DNAJC1: variants seen among roughly 807,000 people sequenced by gnomAD.
DNAJC1 encodes DnaJ heat shock protein family (Hsp40) member C1.
Under a neutral mutation model 76.6 loss-of-function variants are expected in DNAJC1, and 58 were observed. The observed-to-expected ratio is 0.76, with a 90% CI of 0.61 to 0.94. The LOEUF is 0.94. Among genes scored for constraint, DNAJC1 ranks in the 40% least tolerant of loss-of-function variants. The pLI, the probability that DNAJC1 is intolerant of heterozygous loss-of-function variation, is 0.00. For synonymous variants in DNAJC1, 258 were observed against 267.9 expected (o/e 0.96, Z 0.36); for missense variants, 689 against 677.3 (o/e 1.02, Z -0.19).
intron 8 of DNAJC1, among the ~76,000 whole-genome samples, chr10:21,814,051 T>C (rs1200242316): frequency 6.6e-6 from 1 of 152,162 alleles, no homozygotes; most frequent in African/African-American, 2.4e-5. Context: ...TTTGACAGTT[T>C]TGGTGATGAG....
intron 10 of DNAJC1, among the ~76,000 whole-genome samples, chr10:21,762,836 A>G (rs533444662): frequency 2.6e-5 from 4 of 152,368 alleles, no homozygotes; most frequent in Non-Finnish European, 5.9e-5. Context: ...TCTATTTTCA[A>G]CATTTTTAAA....
At chr10:21,971,894 T>C (rs1405367414) in intron 1 of DNAJC1, among the ~76,000 whole-genome samples, 1 of 151,922 alleles carries the variant, frequency 6.6e-6, no homozygotes, top group Non-Finnish European at 1.5e-5. Context: ...TGTAAACAGA[T>C]TTCAAATATG....
At chr10:21,835,652 C>T (rs1236335680) in intron 8 of DNAJC1, among the ~76,000 whole-genome samples, 1 of 152,220 alleles carries the variant, frequency 6.6e-6, no homozygotes, top group Non-Finnish European at 1.5e-5. Flanking sequence ...GAGCTGAAAA[C>T]CAACACACGA....
intron 8 of DNAJC1, among the ~76,000 whole-genome samples, chr10:21,863,054 C>G (rs1250490515): frequency 1.3e-5 from 2 of 152,016 alleles, no homozygotes; most frequent in African/African-American, 4.8e-5. Context: ...ATCGCTTGAA[C>G]CCGGGAGGCG....
At chr10:21,813,086 TACACACACAC>T (rs1165532400) in intron 8 of DNAJC1, among the ~76,000 whole-genome samples, 1 of 84,242 alleles carries the variant, frequency 1.2e-5, no homozygotes, top group Admixed American at 1.2e-4. Context: ...TATACATATA[TACACACACAC>T]ATATATATAT....
chr10:21,756,771 A>G lies in DNAJC1; in HGVS notation c.1597-16T>C, dbSNP rs780471733. The stretch of plus-strand genomic sequence containing the variant: ...TACAGTCTTCCTGTAGGAAGAAAAA[A>G]AGAGAGGTGAGAACAGTCACTTGCA... On this transcript the variant is annotated splice_polypyrimidine_tract_variant and intron_variant, in intron 11 of 11. Coordinates refer to ENST00000376980, the MANE Select transcript of DNAJC1 (RefSeq NM_022365.4). 6.2e-7 allele frequency: 1 copy of G among 1,611,350 alleles called. No homozygotes were observed. Among genetic ancestry groups the G allele is most frequent in the South Asian group, 1.1e-5 (1 of 91,062 alleles).
rs760710755 is a variant in DNAJC1 at position 21,756,709 on chromosome 10, T to G, written c.1643A>C (p.Lys548Thr). ...RYKLLVELVQ[K>T]KKQAKS Reference sequence around the variant, plus strand: ...TATTCAGCTTTTAGCTTGTTTTTTCTTTTGGACCAGTTCAACCAGCAACTT... The same window carrying G: ...TATTCAGCTTTTAGCTTGTTTTTTCGTTTGGACCAGTTCAACCAGCAACTT... The change falls in exon 12 of 12, where the codon AAG becomes ACG. Residue 548 changes from lysine (K) to threonine (T), a missense_variant. Transcript: ENST00000376980. 1 of 1,613,790 alleles carries G rather than the reference T, an allele frequency of 6.2e-7. No homozygotes were observed. Among genetic ancestry groups the G allele is most frequent in the South Asian group, 1.1e-5 (1 of 91,084 alleles).
intron 8 of DNAJC1, among the ~76,000 whole-genome samples, chr10:21,838,013 G>T (rs1283810903): frequency 1.4e-5 from 2 of 147,174 alleles, no homozygotes; most frequent in Non-Finnish European, 3.0e-5. Context: ...GGTGGGGGGC[G>T]TCTCCGCCCA....
chr10:21,879,752 C>T (rs1448532944), intron 8 of DNAJC1, among the ~76,000 whole-genome samples: 4 of 152,170 alleles, frequency 2.6e-5, no homozygotes, highest in South Asian at 4.1e-4. Context: ...ACCGCTAAAA[C>T]GTATTAATAA....
At position 21,860,121 on chromosome 10, in the gene DNAJC1, T is replaced by C. The variant is rs1471803317; in HGVS notation, c.978+22161A>G. Among the ~76,000 whole-genome samples, 3 of 146,648 alleles carry C rather than the reference T, an allele frequency of 2.0e-5. 1 individual carries two copies. The Admixed American group carries it at 2.1e-4, about 10-fold the overall frequency. ...TAATGCAAACAGCAGAGAGGGTAAC[T>C]AGGACATACATTTATCTTCACTTTG... On this transcript the variant is annotated intron_variant, in intron 8 of 11. Transcript: ENST00000376980.
chr10:21,908,633 C>A (rs1442150229), intron 6 of DNAJC1, among the ~76,000 whole-genome samples: 1 of 151,820 alleles, frequency 6.6e-6, no homozygotes, highest in Non-Finnish European at 1.5e-5. Flanking sequence ...AACTTCTAAT[C>A]CATCCTTATA....
chr10:21,968,571 G>A (rs928232641), intron 1 of DNAJC1, among the ~76,000 whole-genome samples: 6 of 150,830 alleles, frequency 4.0e-5, no homozygotes, highest in South Asian at 4.2e-4. Flanking sequence ...GCAGTGGCAC[G>A]ACGATCTCGG....
intron 8 of DNAJC1, among the ~76,000 whole-genome samples, chr10:21,808,208 T>C (rs1407938286): frequency 6.6e-6 from 1 of 152,166 alleles, no homozygotes; most frequent in East Asian, 1.9e-4. Context: ...AAAAAAATTG[T>C]CTACAATGTC....
intron 9 of DNAJC1, among the ~76,000 whole-genome samples, chr10:21,767,811 T>C (rs775206477): frequency 1.1e-4 from 16 of 152,020 alleles, no homozygotes; most frequent in Non-Finnish European, 1.5e-4. Flanking sequence ...GCCTGGTCAA[T>C]ATAGCAAAAC....
At chr10:21,781,587 G>C (rs1834527886) in intron 9 of DNAJC1, among the ~76,000 whole-genome samples, 1 of 151,924 alleles carries the variant, frequency 6.6e-6, no homozygotes, top group Non-Finnish European at 1.5e-5. Context: ...CGGGCGTGGT[G>C]GTGGGTGCCT....
At chr10:21,824,951 T>A (rs1260440404) in intron 8 of DNAJC1, among the ~76,000 whole-genome samples, 1 of 152,178 alleles carries the variant, frequency 6.6e-6, no homozygotes, top group Admixed American at 6.5e-5. Flanking sequence ...ATTTTTTGTA[T>A]TTTTAGTAGA....
rs560678368 is a variant in DNAJC1 at position 21,925,715 on chromosome 10, G to A, written c.371+2791C>T. Among the ~76,000 whole-genome samples the A allele has an allele frequency of 9.2e-5, 14 of 152,258 alleles. 1 individual carries two copies. In the South Asian group the frequency reaches 2.5e-3, roughly 27 times the overall value. ...ACGTATTGCATGATTCCATTTATAC[G>A]AACTGTCCAGAAAGGACAAATTTAT... On this transcript the variant is annotated intron_variant, in intron 3 of 11. Coordinates refer to ENST00000376980, the MANE Select transcript of DNAJC1 (RefSeq NM_022365.4).
intron 1 of DNAJC1, among the ~76,000 whole-genome samples, chr10:21,931,161 T>C (rs1417124283): frequency 6.6e-6 from 1 of 152,134 alleles, no homozygotes; most frequent in Admixed American, 6.5e-5. Flanking sequence ...ACTGGTGTTT[T>C]CCAATTTTTT....
At chr10:21,772,462 T>C (rs1223798377) in intron 9 of DNAJC1, among the ~76,000 whole-genome samples, 1 of 152,062 alleles carries the variant, frequency 6.6e-6, no homozygotes, top group Non-Finnish European at 1.5e-5. Context: ...AGTTTGTGTC[T>C]TTCCAGGAAT....
Sources: allele counts gnomAD v4.1 joint callset (sites outside exome capture counted in the v4.1 genomes callset), GRCh38; gene constraint gnomAD v4.1.1; transcripts MANE v1.5; gene names NCBI Gene and HGNC (gene_info 2026-07-23, HGNC 2026-07-21).